The following RELL1 variants were observed in gnomAD, a reference collection of about 807,000 sequenced individuals.
RELL1 encodes RELT-like protein 1.
Under a neutral mutation model 23.0 loss-of-function variants are expected in RELL1, and 10 were observed. The observed-to-expected ratio is 0.43, with a 90% confidence interval of 0.27 to 0.74. The LOEUF (loss-of-function observed/expected upper bound fraction) is 0.74, where lower values mean the gene tolerates loss of function less well. Among genes scored for constraint, RELL1 ranks in the 30% least tolerant of loss-of-function variants. The pLI is 0.19. For synonymous variants in RELL1, 146 were observed against 146.8 expected (o/e 0.99, Z 0.04); for missense variants, 315 against 364.4 (o/e 0.86, Z 1.10).
intron 1 of RELL1, among the ~76,000 whole-genome samples, chr4:37,672,453 A>C (rs2109310115): frequency 6.6e-6 from 1 of 152,336 alleles, no homozygotes; most frequent in South Asian, 2.1e-4. Flanking sequence ...CATTGACTCA[A>C]AGTCAAGAGT....
At chr4:37,605,833 AAGAAAG>A (rs1719190311), downstream of RELL1, among the ~76,000 whole-genome samples, 1 of 123,364 alleles carries the variant, frequency 8.1e-6, no homozygotes, top group Non-Finnish European at 2.0e-5. Flanking sequence ...GAAAGAAAGA[AAGAAAG>A]AAAGAAGGAA....
chr4:37,590,447 C>A (rs1216435591), downstream of RELL1: 1 of 1,610,814 alleles, frequency 6.2e-7, no homozygotes, highest in Admixed American at 1.7e-5. Flanking sequence ...AATACTGTTC[C>A]CCCAACTCAA....
chr4:37,592,190 C>G (rs985440439), intron 6 of RELL1, among the ~76,000 whole-genome samples: 2 of 129,982 alleles, frequency 1.5e-5, no homozygotes, highest in African/African-American at 2.9e-5. Flanking sequence ...GCCTGGGTGA[C>G]AGTGCAAGAC....
At chr4:37,617,196 C>T (rs1177409134) in intron 6 of RELL1, among the ~76,000 whole-genome samples, 1 of 152,154 alleles carries the variant, frequency 6.6e-6, no homozygotes, top group Non-Finnish European at 1.5e-5. Flanking sequence ...TTCCTTGGGC[C>T]TCTCCCTGAG....
intron 1 of RELL1, among the ~76,000 whole-genome samples, chr4:37,663,110 T>C (rs115750767): frequency 3.5e-3 from 534 of 152,204 alleles, no homozygotes; most frequent in African/African-American, 0.012. Flanking sequence ...GGAAAAGCAA[T>C]ACCCGTGGGG....
downstream of RELL1, among the ~76,000 whole-genome samples, chr4:37,607,986 A>G (rs1297633713): frequency 6.6e-6 from 1 of 152,128 alleles, no homozygotes; most frequent in African/African-American, 2.4e-5. Flanking sequence ...AATTATTATT[A>G]TATCTATTAT....
chr4:37,637,898 T>C (rs1036886968), intron 4 of RELL1, among the ~76,000 whole-genome samples: 72 of 152,358 alleles, frequency 4.7e-4, no homozygotes, highest in African/African-American at 1.6e-3. Context: ...TCATTGTTCA[T>C]GGAGGTCTTT....
chr4:37,635,404 T>C (rs2109264256), intron 4 of RELL1, among the ~76,000 whole-genome samples: 1 of 152,098 alleles, frequency 6.6e-6, no homozygotes, highest in African/African-American at 2.4e-5. Context: ...AGTGGGAGGA[T>C]TGCTTGTGGC....
rs1042335127 is a variant in RELL1 at position 37,612,389 on chromosome 4, A to ACTT, written c.*954_*956dup. On this transcript the variant is annotated 3_prime_UTR_variant, in exon 7 of 7. Transcript: ENST00000454158. ...AGTGGCCCACGCCTATATTCCCAGCACTTTGGGAGGCCGAGGCGGGTAGAT... is the reference window on the plus strand; with the variant it reads ...AGTGGCCCACGCCTATATTCCCAGCACTTCTTTGGGAGGCCGAGGCGGGTAGAT... Among the ~76,000 whole-genome samples, 1 of 151,236 alleles carries ACTT rather than the reference A, an allele frequency of 6.6e-6. No individual in the cohort carries two copies. Among genetic ancestry groups the ACTT allele is most frequent in the Non-Finnish European group, 1.5e-5 (1 of 67,884 alleles).
In RELL1 at chr4:37,610,636, C is replaced by A. The variant is rs760013699; in HGVS notation, c.*2710G>T. On this transcript the variant is annotated 3_prime_UTR_variant, in exon 7 of 7. Transcript: ENST00000454158. The surrounding 1 kb of genome is among the most constrained non-coding windows in gnomAD (Gnocchi z 4.1). ...GGATCACCCACAAGACAACACACTGCGTTTAACATTTTTATTTTTAACTCC... is the reference window on the plus strand; with the variant it reads ...GGATCACCCACAAGACAACACACTGAGTTTAACATTTTTATTTTTAACTCC... 6.6e-6 allele frequency among the ~76,000 whole-genome samples: 1 copy of A among 152,152 alleles called. No individual in the cohort carries two copies.
intron 6 of RELL1, among the ~76,000 whole-genome samples, chr4:37,602,360 G>C (rs1484568496): frequency 6.7e-6 from 1 of 148,204 alleles, no homozygotes; most frequent in South Asian, 2.1e-4. Flanking sequence ...TTAGCCACCA[G>C]AGCAATAAAC....
At chr4:37,660,587 T>C (rs952620913) in intron 1 of RELL1, among the ~76,000 whole-genome samples, 1 of 152,190 alleles carries the variant, frequency 6.6e-6, no homozygotes, top group African/African-American at 2.4e-5. Flanking sequence ...ATCAGAGCCA[T>C]TCTTAATCTT....
At chr4:37,620,672 A>G (rs1231254304) in intron 6 of RELL1, among the ~76,000 whole-genome samples, 1 of 152,238 alleles carries the variant, frequency 6.6e-6, no homozygotes, top group Non-Finnish European at 1.5e-5. Context: ...CTTGTGAGCT[A>G]GACAGAGTTC....
intron 1 of RELL1, among the ~76,000 whole-genome samples, chr4:37,674,662 A>G (rs1011018624): frequency 6.6e-6 from 1 of 152,238 alleles, no homozygotes; most frequent in Non-Finnish European, 1.5e-5. Flanking sequence ...GATAATTCAC[A>G]TAATTGTGTT....
At chr4:37,663,051 C>G (rs942965963) in intron 1 of RELL1, among the ~76,000 whole-genome samples, 3 of 152,122 alleles carry the variant, frequency 2.0e-5, no homozygotes, top group Non-Finnish European at 4.4e-5. Context: ...TCCCACAGAC[C>G]CTCACTGATG....
intron 4 of RELL1, among the ~76,000 whole-genome samples, chr4:37,638,186 G>A (rs1036853938): frequency 9.9e-5 from 15 of 152,202 alleles, no homozygotes; most frequent in African/African-American, 3.1e-4. Flanking sequence ...TTGACAATGT[G>A]TGGAGACATT....
rs904148329 is a variant in RELL1, at chr4:37,611,512, T to A, written c.*1834A>T. Reference sequence around the variant, plus strand: ...GTACAGTAAATACTTTGAAGTATATTTTTATGGAAATCATCTTTTGGGAGA... The same window carrying A: ...GTACAGTAAATACTTTGAAGTATATATTTATGGAAATCATCTTTTGGGAGA... On this transcript the variant is annotated 3_prime_UTR_variant, in exon 7 of 7. Transcript: ENST00000454158. Among the ~76,000 whole-genome samples the A allele has an allele frequency of 6.6e-6, 1 of 152,164 alleles. No homozygotes were observed. The highest frequency in any genetic ancestry group is 1.5e-5 in the Non-Finnish European group (1 of 68,018).
At chr4:37,605,851 A>G (rs973484833), downstream of RELL1, among the ~76,000 whole-genome samples, 212 of 132,240 alleles carry the variant, frequency 1.6e-3, 3 homozygotes, top group Non-Finnish European at 3.0e-3. Context: ...AAGAAGGAAA[A>G]GAAAAGAAAA....
intron 1 of RELL1, among the ~76,000 whole-genome samples, chr4:37,659,978 C>A (rs1721266386): frequency 6.6e-6 from 1 of 152,094 alleles, no homozygotes. Flanking sequence ...GCAAACTGAA[C>A]CAACAAACTC....
Sources: gnomAD v4.1 joint callset for allele counts (sites outside exome capture counted in the v4.1 genomes callset) on GRCh38, gnomAD v4.1.1 for gene constraint, Gnocchi (gnomAD v3.1) non-coding constraint, MANE v1.5 for transcripts, NCBI Gene and HGNC (gene_info 2026-07-23, HGNC 2026-07-21) for gene names.